ZNF311: variants seen among roughly 807,000 people sequenced by gnomAD.
ZNF311 encodes the protein zinc finger protein 311, also known as zinc finger protein zfp31.
In ZNF311, 14 loss-of-function variants were observed where a neutral mutation model predicts 22.7. That is an observed-to-expected ratio of 0.62 (90% CI 0.41 to 0.96). The LOEUF is 0.96. ZNF311 is among the 40% of genes least tolerant of loss of function. ZNF311 has a pLI of 0.00. For synonymous variants in ZNF311, 250 were observed against 275.3 expected, an observed-to-expected ratio of 0.91 and a Z score of 0.91; for missense variants, 731 against 799.0, an observed-to-expected ratio of 0.91 and a Z score of 1.03.
At chr6:29,005,358 G>A (rs1781053597), upstream of ZNF311, 1 of 151,602 alleles carries the variant, frequency 6.6e-6, no homozygotes, top group South Asian at 2.1e-4. Context: ...CCTGGGAGGA[G>A]GTAGGGCAAA....
intron 3 of ZNF311, 88 bp downstream of exon 3, chr6:29,003,425 G>C: frequency 8.3e-7 from 1 of 1,201,258 alleles, no homozygotes. Context: ...AGATTTTTGG[G>C]CCCCAGTGTG....
intron 3 of ZNF311, 146 bp from the exon 4 acceptor site, chr6:29,000,193 A>G (rs1161519817): frequency 4.1e-6 from 3 of 725,710 alleles, no homozygotes; most frequent in Non-Finnish European, 6.6e-6. Flanking sequence ...CTTCCTCTTC[A>G]TTATTTTTCT....
chr6:29,000,779 T>TC (rs1780337511), intron 3 of ZNF311, among the ~76,000 whole-genome samples: 1 of 87,398 alleles, frequency 1.1e-5, no homozygotes, highest in African/African-American at 5.8e-5. Flanking sequence ...AAGTAGTTTC[T>TC]TTTTTTTTTT....
At chr6:29,003,716 G>C (rs1263276438) in intron 2 of ZNF311, 122 bp from the exon 3 acceptor site, 2 of 1,423,614 alleles carry the variant, frequency 1.4e-6, no homozygotes, top group East Asian at 4.6e-5. Context: ...CAAAAGAAGG[G>C]AGAAAATAAT....
chr6:28,997,163 A>T (rs539072225), intron 6 of ZNF311, among the ~76,000 whole-genome samples: 2 of 152,368 alleles, frequency 1.3e-5, no homozygotes, highest in Admixed American at 6.5e-5. Context: ...AGAGTAGCTC[A>T]GTCTTTAGCA....
chr6:29,002,288 A>G (rs538454603), intron 3 of ZNF311, among the ~76,000 whole-genome samples: 34 of 152,324 alleles, frequency 2.2e-4, no homozygotes, highest in African/African-American at 7.2e-4. Context: ...TTTCACGACC[A>G]TTTGAGAAAA....
intron 1 of ZNF311, among the ~76,000 whole-genome samples, chr6:29,004,442 CTTTT>C (rs9280531): frequency 3.9e-4 from 12 of 30,598 alleles, no homozygotes; most frequent in Non-Finnish European, 3.3e-4. Context: ...TTCCTCCTTT[CTTTT>C]TTTTTTTTTT....
Position 29,004,056 on chromosome 6 carries a change from T to C in ZNF311, c.-102A>G, listed in dbSNP as rs1177917552. ...CAAGCTGTGAAGTGGCTCCAGTTGATGCCAGCCTCCTTTGGAGAACACATG... is the reference window on the plus strand; with the variant it reads ...CAAGCTGTGAAGTGGCTCCAGTTGACGCCAGCCTCCTTTGGAGAACACATG... On this transcript the variant is annotated 5_prime_UTR_variant, in exon 2 of 7. Transcript: ENST00000377179. 1.2e-6 allele frequency: 2 copies of C among 1,611,954 alleles called. No homozygotes were observed. The highest frequency in any genetic ancestry group is 2.2e-5 in the South Asian group (2 of 90,942).
chr6:28,999,685 G>C, intron 4 of ZNF311, 72 bp from the exon 5 acceptor site: 1 of 1,545,208 alleles, frequency 6.5e-7, no homozygotes, highest in African/African-American at 1.4e-5. Context: ...CAGAAGAAAG[G>C]AATTTGCAAG....
At position 28,996,354 on chromosome 6, in the gene ZNF311, T is replaced by G; in HGVS notation, c.648A>C (p.Lys216Asn). 1 of 1,612,398 alleles carries G rather than the reference T, an allele frequency of 6.2e-7. No homozygotes were observed. Among genetic ancestry groups the G allele is most frequent in the Non-Finnish European group, 8.5e-7 (1 of 1,180,012 alleles). ...EKEGSEEVTC[K>N]KGKNQKVLSK... ...TAAGCACTTTCTGGTTCTTTCCTTT[T>G]TTGCAGGTCACTTCCTCAGAGCCTT... The change falls in exon 7 of 7, where the codon AAA becomes AAC. Residue 216 changes from lysine to asparagine, a missense_variant. Coordinates refer to ENST00000377179, the MANE Select transcript of ZNF311 (RefSeq NM_001382360.1).
intron 6 of ZNF311, 107 bp from the exon 7 acceptor site, chr6:28,996,693 A>G (rs1484319259): frequency 7.7e-7 from 1 of 1,293,254 alleles, no homozygotes; most frequent in East Asian, 2.4e-5. Flanking sequence ...ATGCTGGAAA[A>G]ATTACTAACG....
In ZNF311 at chr6:28,998,785, G is replaced by T. The variant is rs1249358684; in HGVS notation, c.364C>A (p.Pro122Thr). Reference sequence around the variant, plus strand: ...CTGTCCTGTGGATCCTGCACACAGGGGTCTACTTCTCGCTCCAGATGAGAG... The same window carrying T: ...CTGTCCTGTGGATCCTGCACACAGGTGTCTACTTCTCGCTCCAGATGAGAG... ...LISHLEREVD[P>T]CVQDPQDRES... The change falls in exon 6 of 7, where the codon CCC (proline) becomes ACC (threonine). Residue 122 changes from proline (P) to threonine (T), a missense_variant. Transcript: ENST00000377179. 1 of 1,612,792 alleles carries T rather than the reference G, an allele frequency of 6.2e-7. No homozygotes were observed. The highest frequency in any genetic ancestry group is 1.3e-5 in the African/African-American group (1 of 74,882).
At chr6:28,998,666 G>A in intron 6 of ZNF311, 68 bp downstream of exon 6, 4 of 1,146,190 alleles carry the variant, frequency 3.5e-6, no homozygotes, top group Non-Finnish European at 5.1e-6. Context: ...ATCCACCACT[G>A]AGAATGTTCC....
chr6:29,003,347 C>G (rs1386398700), intron 3 of ZNF311, among the ~76,000 whole-genome samples, 166 bp downstream of exon 3: 1 of 152,046 alleles, frequency 6.6e-6, no homozygotes, highest in East Asian at 1.9e-4. Flanking sequence ...TATTTAGTTC[C>G]TCTAGATATT....
intron 2 of ZNF311, 140 bp downstream of exon 2, chr6:29,003,806 G>A (rs1463528901): frequency 2.5e-6 from 4 of 1,576,632 alleles, no homozygotes; most frequent in Non-Finnish European, 3.5e-6. Context: ...AGGTCAAGCA[G>A]CAAAAACAGT....
chr6:28,998,170 A>AT (rs11376899), intron 6 of ZNF311, among the ~76,000 whole-genome samples: 55,227 of 140,342 alleles, frequency 0.39, 12,872 homozygotes, highest in African/African-American at 0.65. Context: ...ATATTCTGAG[A>AT]TTTTTTTTTT....
chr6:28,994,879 G>T lies in ZNF311; in HGVS notation c.*122C>A. On this transcript the variant is annotated 3_prime_UTR_variant, in exon 7 of 7. Coordinates refer to ENST00000377179, the MANE Select transcript of ZNF311 (RefSeq NM_001382360.1). ...AAAAAATAGTGAATAAGAAGGTAAA[G>T]GACAATGTCTTTGGGGAATCTCACA... The T allele has an allele frequency of 1.7e-6, 2 of 1,145,586 alleles. No individual in the cohort carries two copies. The highest frequency in any genetic ancestry group is 2.4e-6 in the Non-Finnish European group (2 of 839,236). 71.0% of individuals were successfully genotyped at this position (1,145,586 alleles called of 1,614,324 possible).
chr6:28,998,382 G>A (rs561996989), intron 6 of ZNF311, among the ~76,000 whole-genome samples: 6 of 151,984 alleles, frequency 3.9e-5, no homozygotes, highest in African/African-American at 1.4e-4. Flanking sequence ...AGTAGAGATG[G>A]GGTTTCACCA....
Position 28,995,388 on chromosome 6 carries a change from C to T in ZNF311, c.1614G>A (p.Gly538=). ...TTCGATGATTGGTCAAGTTTGACTT[C>T]CCACTGAAAGCTTTCCCACACTCTA... ...KCLECGKAFS[G]KSNLTNHRRI... The change falls in exon 7 of 7, where the codon GGG becomes GGA. Residue 538 remains glycine, a synonymous_variant. Transcript: ENST00000377179. The surrounding 1 kb of genome is among the most constrained non-coding windows in gnomAD (Gnocchi z 4.7). The T allele has an allele frequency of 2.5e-6, 4 of 1,614,062 alleles. No homozygotes were observed. The highest frequency in any genetic ancestry group is 3.4e-6 in the Non-Finnish European group (4 of 1,180,022).
Sources: gnomAD v4.1 joint callset for allele counts (sites outside exome capture counted in the v4.1 genomes callset) on GRCh38, gnomAD v4.1.1 for gene constraint, Gnocchi (gnomAD v3.1) non-coding constraint, MANE v1.5 for transcripts, NCBI Gene and HGNC (gene_info 2026-07-23, HGNC 2026-07-21) for gene names.